Variants in ERC2 observed in about 807,000 individuals in gnomAD.
The protein encoded by ERC2 is ERC protein 2.
A neutral mutation model predicts 114.8 loss-of-function variants in ERC2; 42 were observed. The ratio of observed to expected loss-of-function variants is 0.37; its 90% CI spans 0.29 to 0.47. The LOEUF (loss-of-function observed/expected upper bound fraction) is 0.47. Ranked by LOEUF, ERC2 falls within the 20% of genes least tolerant of loss-of-function variation. ERC2 has a pLI of 0.99. For synonymous variants in ERC2, 454 were observed against 425.5 expected (o/e 1.07, Z -0.82); for missense variants, 939 against 1,150.7 (o/e 0.82, Z 2.66).
rs1054885125 is a variant in ERC2, at chr3:56,167,044, G to A, written c.1149+6402C>T. 9.2e-5 allele frequency among the ~76,000 whole-genome samples: 14 copies of A among 151,914 alleles called. 1 individual carries two copies. The highest frequency in any genetic ancestry group is 4.1e-4 in the South Asian group (2 of 4,822). On this transcript the variant is annotated intron_variant, in intron 4 of 17. Coordinates refer to ENST00000288221, the MANE Select transcript of ERC2 (RefSeq NM_015576.3). ...GACACTCCTTATCCTTTCTAGACTC[G>A]TGGCTCTTATAGTTCCCACTGTTTA...
chr3:56,391,935 C>T (rs1354821170), intron 2 of ERC2, among the ~76,000 whole-genome samples: 2 of 152,108 alleles, frequency 1.3e-5, no homozygotes, highest in African/African-American at 2.4e-5. Flanking sequence ...ATTAATTTTT[C>T]CATGCTATTC....
At chr3:55,683,912 T>C (rs899168076) in intron 16 of ERC2, 53 bp from the exon 17 acceptor site, 4 of 1,592,766 alleles carry the variant, frequency 2.5e-6, no homozygotes, top group Non-Finnish European at 2.6e-6. Flanking sequence ...AGCACCAGAA[T>C]GAAAGAAGAG....
chr3:55,859,812 G>A (rs947209657), intron 14 of ERC2, among the ~76,000 whole-genome samples: 11 of 151,428 alleles, frequency 7.3e-5, no homozygotes, highest in South Asian at 4.2e-4. Context: ...AACACTCCCC[G>A]TTTTGTAAGA....
intron 14 of ERC2, among the ~76,000 whole-genome samples, chr3:55,752,947 G>T (rs989998676): frequency 1.3e-5 from 2 of 152,160 alleles, no homozygotes; most frequent in Non-Finnish European, 2.9e-5. Flanking sequence ...GCAGCCGACC[G>T]CAGCTCTACA....
At chr3:56,144,676 T>C (rs1037320866) in intron 5 of ERC2, among the ~76,000 whole-genome samples, 1 of 152,188 alleles carries the variant, frequency 6.6e-6, no homozygotes, top group Non-Finnish European at 1.5e-5. Context: ...TACACCTCCT[T>C]TAGTCAATAA....
intron 3 of ERC2, among the ~76,000 whole-genome samples, chr3:56,239,929 T>C (rs1391067711): frequency 6.6e-6 from 1 of 152,184 alleles, no homozygotes; most frequent in South Asian, 2.1e-4. Context: ...AGTTACACAA[T>C]ATTTGAGTGT....
At chr3:56,143,169 G>A (rs372004643) in intron 5 of ERC2, among the ~76,000 whole-genome samples, 1 of 152,194 alleles carries the variant, frequency 6.6e-6, no homozygotes, top group Non-Finnish European at 1.5e-5. Context: ...CAGTATAGCT[G>A]TCTGAGATCC....
At chr3:56,334,389 T>A (rs1016599664) in intron 2 of ERC2, among the ~76,000 whole-genome samples, 1 of 152,178 alleles carries the variant, frequency 6.6e-6, no homozygotes, top group African/African-American at 2.4e-5. Context: ...AGCCCTCAGT[T>A]CCATCCCTGA....
At chr3:56,121,179 A>C (rs746451626) in intron 6 of ERC2, among the ~76,000 whole-genome samples, 7 of 152,194 alleles carry the variant, frequency 4.6e-5, no homozygotes, top group Non-Finnish European at 8.8e-5. Flanking sequence ...ATAAAAATTT[A>C]CTAAGACAAA....
chr3:56,344,378 G>A (rs756167374), intron 2 of ERC2, among the ~76,000 whole-genome samples: 1 of 152,038 alleles, frequency 6.6e-6, no homozygotes, highest in Non-Finnish European at 1.5e-5. Flanking sequence ...ACCTAACAGC[G>A]ACATGTCTTC....
intron 6 of ERC2, among the ~76,000 whole-genome samples, chr3:56,105,184 A>C (rs2078586376): frequency 6.6e-6 from 1 of 152,142 alleles, no homozygotes; most frequent in Non-Finnish European, 1.5e-5. Context: ...TGAGGAGACA[A>C]TGGCTAGGAG....
chr3:55,525,177 CT>C (rs1441172289), intron 17 of ERC2, among the ~76,000 whole-genome samples: 1 of 152,196 alleles, frequency 6.6e-6, no homozygotes, highest in Non-Finnish European at 1.5e-5. Context: ...GAAGAATTTC[CT>C]TTAATTTTCA....
intron 7 of ERC2, among the ~76,000 whole-genome samples, chr3:56,071,792 A>C (rs1202836206): frequency 2.0e-5 from 3 of 152,206 alleles, no homozygotes; most frequent in Non-Finnish European, 4.4e-5. Context: ...GAGGCTACTG[A>C]ATTTGTTGCT....
At chr3:56,036,486 A>G (rs2074810142) in intron 7 of ERC2, among the ~76,000 whole-genome samples, 1 of 152,208 alleles carries the variant, frequency 6.6e-6, no homozygotes, top group African/African-American at 2.4e-5. Context: ...GGAGGGACCA[A>G]GATGGCTGAC....
chr3:56,032,913 A>AGAGAGAGAGAG lies in ERC2; in HGVS notation c.1642-13883_1642-13882insCTCTCTCTCTC, dbSNP rs1560056241. ...AGAGAGAGAGAGACAGAAAGAAAGA[A>AGAGAGAGAGAG]AGAAAGAAAGAAAGAAAGAAAGAAA... On this transcript the variant is annotated intron_variant, in intron 7 of 17. Coordinates refer to ENST00000288221, the MANE Select transcript of ERC2 (RefSeq NM_015576.3). Among the ~76,000 whole-genome samples the AGAGAGAGAGAG allele has an allele frequency of 8.7e-5, 6 of 68,700 alleles. No homozygotes were observed. In the East Asian group the frequency reaches 1.5e-3, roughly 17 times the overall value. The allele number at this position is 68,700 out of a possible 152,430, so 45.1% of individuals were successfully genotyped here. A position where few individuals can be genotyped will look rare whatever the true frequency, so the allele number is the denominator to read the frequency against.
intron 2 of ERC2, among the ~76,000 whole-genome samples, chr3:56,332,241 A>G (rs1200259751): frequency 2.6e-5 from 4 of 152,206 alleles, no homozygotes; most frequent in African/African-American, 9.6e-5. Flanking sequence ...CTTTTGCTCC[A>G]TGAGGCAAAA....
chr3:55,575,249 C>T (rs561667011), intron 17 of ERC2, among the ~76,000 whole-genome samples: 1 of 152,238 alleles, frequency 6.6e-6, no homozygotes, highest in South Asian at 2.1e-4. Context: ...AACTCCTGAC[C>T]TCAAGTGATC....
intron 14 of ERC2, among the ~76,000 whole-genome samples, chr3:55,813,287 A>G (rs939446007): frequency 4.6e-5 from 7 of 152,188 alleles, no homozygotes; most frequent in African/African-American, 1.7e-4. Flanking sequence ...AATTTGAATT[A>G]ATTAAAATTG....
intron 17 of ERC2, among the ~76,000 whole-genome samples, chr3:55,633,055 T>C (rs1337732459): frequency 6.6e-6 from 1 of 152,230 alleles, no homozygotes; most frequent in Non-Finnish European, 1.5e-5. Flanking sequence ...CTCCTAGGCA[T>C]AGGGAAGTGC....
Sources: gnomAD v4.1 joint callset for allele counts (sites outside exome capture counted in the v4.1 genomes callset) on GRCh38, gnomAD v4.1.1 for gene constraint, MANE v1.5 for transcripts, NCBI Gene and HGNC (gene_info 2026-07-23, HGNC 2026-07-21) for gene names.